The following ZFHX3 variants were observed in gnomAD, a reference collection of about 807,000 sequenced individuals.
ZFHX3 encodes the protein zinc finger homeobox protein 3.
A neutral mutation model predicts 279.1 loss-of-function variants in ZFHX3; 42 were observed. The ratio of observed to expected loss-of-function variants is 0.15; its 90% CI spans 0.12 to 0.19. The LOEUF (loss-of-function observed/expected upper bound fraction) is 0.19. Among genes scored for constraint, ZFHX3 ranks in the 10% least tolerant of loss-of-function variants. ZFHX3 has a pLI of 1.00. For synonymous variants in ZFHX3, 2,293 were observed against 1,957.8 expected (o/e 1.17, Z -4.52); for missense variants, 4,981 against 4,754.0 (o/e 1.05, Z -1.40).
intron 4 of ZFHX3, among the ~76,000 whole-genome samples, chr16:73,272,966 T>C (rs1181306351): frequency 3.3e-5 from 5 of 152,174 alleles, no homozygotes; most frequent in Middle Eastern, 3.4e-3. Flanking sequence ...GGGCTGGTCT[T>C]GAACTACTGG....
chr16:73,586,252 G>A (rs1298144681), intron 2 of ZFHX3, among the ~76,000 whole-genome samples: 1 of 150,666 alleles, frequency 6.6e-6, no homozygotes, highest in Non-Finnish European at 1.5e-5. Flanking sequence ...AGCTGGGTGT[G>A]GTGGCACATG....
At chr16:73,654,183 C>CAAAAAAAAAA (rs35720246) in intron 2 of ZFHX3, among the ~76,000 whole-genome samples, 1 of 89,012 alleles carries the variant, frequency 1.1e-5, no homozygotes, top group Non-Finnish European at 2.4e-5. Context: ...GACTCAGTCT[C>CAAAAAAAAAA]AAAAAAAAAA....
chr16:73,264,570 C>T (rs1196941662), intron 4 of ZFHX3, among the ~76,000 whole-genome samples: 1 of 151,716 alleles, frequency 6.6e-6, no homozygotes, highest in Non-Finnish European at 1.5e-5. Flanking sequence ...AAGGAACAAC[C>T]GACTTTTTTT....
chr16:73,091,523 T>G (rs1013689218), intron 8 of ZFHX3, among the ~76,000 whole-genome samples: 2 of 152,196 alleles, frequency 1.3e-5, no homozygotes, highest in South Asian at 4.1e-4. Flanking sequence ...AGCCTGAGGT[T>G]GGCTATGTCA....
intron 2 of ZFHX3, among the ~76,000 whole-genome samples, chr16:73,679,020 T>G (rs1597061686): frequency 6.6e-6 from 1 of 152,158 alleles, no homozygotes; most frequent in East Asian, 1.9e-4. Context: ...TGAAAATCTA[T>G]AGTCCAAGCC....
rs1465631774 is a variant in ZFHX3 at position 72,793,988 on chromosome 16, G to A, written c.8694C>T (p.Ala2898=). 2 of 1,614,212 alleles carry A rather than the reference G, an allele frequency of 1.2e-6. No individual in the cohort carries two copies. Among genetic ancestry groups the A allele is most frequent in the East Asian group, 2.2e-5 (1 of 44,876 alleles). ...CATATTCCTTGCTATAAAAGCTCGG[G>A]GCCGGGCTGACCAGACCAGATGACA... ...DRLSSGLVSP[A]PSFYSKEYDN... The change falls in exon 9 of 10, where the codon GCC becomes GCT. Residue 2898 remains alanine (A), a synonymous_variant. Coordinates refer to ENST00000268489, the MANE Select transcript of ZFHX3 (RefSeq NM_006885.4). The surrounding 1 kb of genome is among the most constrained non-coding windows in gnomAD (Gnocchi z 4.3).
chr16:73,818,733 C>T (rs2142346058), intron 1 of ZFHX3, among the ~76,000 whole-genome samples: 1 of 152,314 alleles, frequency 6.6e-6, no homozygotes, highest in South Asian at 2.1e-4. Flanking sequence ...CCTGGCTCTG[C>T]TGCGCTTTCT....
At chr16:73,268,925 C>T (rs1007434715) in intron 4 of ZFHX3, among the ~76,000 whole-genome samples, 1 of 152,148 alleles carries the variant, frequency 6.6e-6, no homozygotes, top group African/African-American at 2.4e-5. Flanking sequence ...CACAGAGGTG[C>T]AGAAGCTTGG....
chr16:73,546,501 G>T (rs1410557857), intron 2 of ZFHX3, among the ~76,000 whole-genome samples: 1 of 151,766 alleles, frequency 6.6e-6, no homozygotes, highest in Non-Finnish European at 1.5e-5. Flanking sequence ...TTTGGCGGGG[G>T]GCGGGGGCGG....
At chr16:73,023,005 ATCACTTGAGG>A (rs1173598237) in intron 1 of ZFHX3, among the ~76,000 whole-genome samples, 9 of 152,206 alleles carry the variant, frequency 5.9e-5, no homozygotes, top group Non-Finnish European at 1.2e-4. Flanking sequence ...AGGCGGGCAG[ATCACTTGAGG>A]TCAGGAGTTC....
chr16:73,459,884 C>T (rs926501776), intron 2 of ZFHX3, among the ~76,000 whole-genome samples: 6 of 152,168 alleles, frequency 3.9e-5, no homozygotes, highest in Non-Finnish European at 5.9e-5. Flanking sequence ...AAACCACCCC[C>T]GTGATTCAAT....
intron 1 of ZFHX3, among the ~76,000 whole-genome samples, chr16:73,013,932 T>A (rs540569559): frequency 6.6e-6 from 1 of 152,162 alleles, no homozygotes; most frequent in African/African-American, 2.4e-5. Flanking sequence ...CCTACAAATA[T>A]GTTACCTTCT....
chr16:73,766,179 C>T (rs1433770933), intron 1 of ZFHX3, among the ~76,000 whole-genome samples: 4 of 152,102 alleles, frequency 2.6e-5, no homozygotes, highest in South Asian at 2.1e-4. Flanking sequence ...ATAGTGACAG[C>T]GTGCATAAAA....
chr16:72,928,723 A>G (rs550265505), intron 3 of ZFHX3, among the ~76,000 whole-genome samples: 25 of 152,348 alleles, frequency 1.6e-4, no homozygotes, highest in African/African-American at 5.3e-4. Flanking sequence ...CAGGCCTGTA[A>G]TCCCAGTAGG....
At chr16:73,631,031 G>C (rs1049816778) in intron 2 of ZFHX3, among the ~76,000 whole-genome samples, 2 of 11,072 alleles carry the variant, frequency 1.8e-4, no homozygotes, top group Non-Finnish European at 5.3e-4. Context: ...TGCTTTCCCT[G>C]AGAATTTTCA....
intron 5 of ZFHX3, among the ~76,000 whole-genome samples, chr16:73,225,152 C>T (rs1316154570): frequency 1.3e-5 from 2 of 152,112 alleles, no homozygotes. Flanking sequence ...ACTGCCAAGT[C>T]TTGTCTTTCA....
chr16:73,174,787 G>A (rs1967621183), intron 5 of ZFHX3, among the ~76,000 whole-genome samples: 1 of 151,392 alleles, frequency 6.6e-6, no homozygotes. Context: ...GGAGGCCGAG[G>A]TGGGTGGATC....
Position 72,935,483 on chromosome 16 carries a change from G to A in ZFHX3, c.3216+14986C>T, listed in dbSNP as rs1019652276. On this transcript the variant is annotated intron_variant, in intron 3 of 9. Coordinates refer to ENST00000268489, the MANE Select transcript of ZFHX3 (RefSeq NM_006885.4). ...TGGCCGGGTGCGGTAGCTCACACCTGTAATCCCAGCATTTTGGGAGGCAGA... is the reference window on the plus strand; with the variant it reads ...TGGCCGGGTGCGGTAGCTCACACCTATAATCCCAGCATTTTGGGAGGCAGA... Among the ~76,000 whole-genome samples, 6 of 152,184 alleles carry A rather than the reference G, an allele frequency of 3.9e-5. No individual in the cohort carries two copies. The East Asian group carries it at 9.6e-4, about 24-fold the overall frequency.
In ZFHX3 at chr16:72,950,320, G is replaced by A. The variant is rs36039209; in HGVS notation, c.3216+149C>T. The A allele has an allele frequency of 1.4e-3, 1,650 of 1,215,464 alleles. 27 individuals carry two copies. In the African/African-American group the frequency reaches 0.022, roughly 16 times the overall value. 75.3% of individuals were successfully genotyped at this position (1,215,464 alleles called of 1,614,324 possible). On this transcript the variant is annotated intron_variant, in intron 3 of 9. Coordinates refer to ENST00000268489, the MANE Select transcript of ZFHX3 (RefSeq NM_006885.4). The stretch of plus-strand genomic sequence containing the variant: ...ACCTGGTGACAAAGTGGACACCGCC[G>A]ACTCTCCTCTCAACTCCAGGTTCCC...
Sources: gnomAD v4.1 joint callset for allele counts (sites outside exome capture counted in the v4.1 genomes callset) on GRCh38, gnomAD v4.1.1 for gene constraint, Gnocchi (gnomAD v3.1) non-coding constraint, MANE v1.5 for transcripts, NCBI Gene and HGNC (gene_info 2026-07-23, HGNC 2026-07-21) for gene names.